Variants in PNMA6A observed in about 807,000 individuals in gnomAD.
PNMA6A encodes PNMA family member 6A.
For missense variants in PNMA6A, 8 were observed against 103.5 expected, an observed-to-expected ratio of 0.08 and a Z score of 4.00; for synonymous variants, 2 against 49.3, an observed-to-expected ratio of 0.04 and a Z score of 4.02.
At position 153,074,472 on chromosome X, in the gene PNMA6A, T is replaced by A; in HGVS notation, c.*210T>A. On this transcript the variant is annotated 3_prime_UTR_variant, in exon 2 of 2. Transcript: ENST00000421798. ...ACCACCACCTTCCCGGTGACCCAGA[T>A]GACCACATTTAATACCAAATGGGGT... 2.2e-6 allele frequency: 1 copy of A among 458,376 alleles called. No homozygotes were observed. The highest frequency in any genetic ancestry group is 3.8e-6 in the Non-Finnish European group (1 of 262,946). The allele number at this position is 458,376 out of a possible 1,213,427, so 37.8% of individuals were successfully genotyped here. A position where few individuals can be genotyped will look rare whatever the true frequency, so the allele number is the denominator to read the frequency against.
intron 1 of PNMA6A, 150 bp from the exon 2 acceptor site, chrX:153,072,785 C>CG: frequency 7.7e-5 from 1 of 12,936 alleles, no homozygotes. Context: ...ACCACCCCCC[C>CG]GGGGGGGCGG....
rs1483777758 is a variant in PNMA6A, at chrX:153,074,689, G to A, written c.*427G>A. On this transcript the variant is annotated 3_prime_UTR_variant, in exon 2 of 2. Coordinates refer to ENST00000421798, the MANE Select transcript of PNMA6A (RefSeq NM_032882.6). ...CAGCTCCTCCCCAGAGGACCCCAGC[G>A]CAGTCCCGGGAGATGGCGGAAAGAA... The A allele has an allele frequency of 1.4e-4, 23 of 162,834 alleles. No individual in the cohort carries two copies. The highest frequency in any genetic ancestry group is 3.8e-4 in the African/African-American group (12 of 31,660). The allele number at this position is 162,834 out of a possible 1,213,427, so 13.4% of individuals were successfully genotyped here.
At position 153,074,503 on chromosome X, in the gene PNMA6A, G is replaced by T; in HGVS notation, c.*241G>T. On this transcript the variant is annotated 3_prime_UTR_variant, in exon 2 of 2. Coordinates refer to ENST00000421798, the MANE Select transcript of PNMA6A (RefSeq NM_032882.6). ...CATTTAATACCAAATGGGGTGGGGG[G>T]AGGCGCCCCTCCAGTGCCAGGGGCA... is the stretch of plus-strand genomic sequence containing the variant. 2.4e-6 allele frequency: 1 copy of T among 420,444 alleles called. No individual in the cohort carries two copies. The highest frequency in any genetic ancestry group is 2.5e-5 in the African/African-American group (1 of 40,504). 34.6% of individuals were successfully genotyped at this position (420,444 alleles called of 1,213,427 possible).
chrX:153,074,705 G>A lies in PNMA6A; in HGVS notation c.*443G>A. On this transcript the variant is annotated 3_prime_UTR_variant, in exon 2 of 2. Coordinates refer to ENST00000421798, the MANE Select transcript of PNMA6A (RefSeq NM_032882.6). The stretch of plus-strand genomic sequence containing the variant: ...GACCCCAGCGCAGTCCCGGGAGATG[G>A]CGGAAAGAAGGCACCAGGGCACAGT... The A allele has an allele frequency of 6.5e-6, 1 of 154,644 alleles. No individual in the cohort carries two copies. The highest frequency in any genetic ancestry group is 1.4e-5 in the Non-Finnish European group (1 of 72,450). 12.7% of individuals were successfully genotyped at this position (154,644 alleles called of 1,213,427 possible).
Position 153,074,398 on chromosome X carries a change from C to G in PNMA6A, c.*136C>G. ...AGGCGGGGCCAGGGCCGGTCCCTCACCCCACATCGGGATCGGGGCCCCCCA... is the reference window on the plus strand; with the variant it reads ...AGGCGGGGCCAGGGCCGGTCCCTCAGCCCACATCGGGATCGGGGCCCCCCA... On this transcript the variant is annotated 3_prime_UTR_variant, in exon 2 of 2. Coordinates refer to ENST00000421798, the MANE Select transcript of PNMA6A (RefSeq NM_032882.6). 1 of 793,644 alleles carries G rather than the reference C, an allele frequency of 1.3e-6. No individual in the cohort carries two copies. The allele number at this position is 793,644 out of a possible 1,213,427, so 65.4% of individuals were successfully genotyped here.
In PNMA6A at chrX:153,074,597, C is replaced by T. The variant is rs1190870474; in HGVS notation, c.*335C>T. The T allele has an allele frequency of 3.7e-5, 10 of 268,725 alleles. No homozygotes were observed. The highest frequency in any genetic ancestry group is 2.8e-4 in the African/African-American group (10 of 35,958). The allele number at this position is 268,725 out of a possible 1,213,427, so 22.1% of individuals were successfully genotyped here. On this transcript the variant is annotated 3_prime_UTR_variant, in exon 2 of 2. Transcript: ENST00000421798. ...TCCCGTATCGTGAGCACCACCTCTG[C>T]TTTCCCTGCGTAGATCTAGGCCAGG... is the stretch of plus-strand genomic sequence containing the variant.
At position 153,074,426 on chromosome X, in the gene PNMA6A, TC is replaced by T. The variant is rs2051219319; in HGVS notation, c.*170del. ...CACATCGGGATCGGGGCCCCCCACT[TC>T]CCCCCAAGGGGCCCTGCCCACCACC... is the stretch of plus-strand genomic sequence containing the variant. On this transcript the variant is annotated 3_prime_UTR_variant, in exon 2 of 2. Coordinates refer to ENST00000421798, the MANE Select transcript of PNMA6A (RefSeq NM_032882.6). The T allele has an allele frequency of 6.9e-6, 4 of 577,506 alleles. No homozygotes were observed. Among genetic ancestry groups the T allele is most frequent in the South Asian group, 6.4e-5 (2 of 31,423 alleles). The allele number at this position is 577,506 out of a possible 1,213,427, so 47.6% of individuals were successfully genotyped here. A position where few individuals can be genotyped will look rare whatever the true frequency, so the allele number is the denominator to read the frequency against.
In PNMA6A at chrX:153,074,546, G is replaced by T; in HGVS notation, c.*284G>T. 5.5e-6 allele frequency: 2 copies of T among 362,702 alleles called. No individual in the cohort carries two copies. Among genetic ancestry groups the T allele is most frequent in the Non-Finnish European group, 1.0e-5 (2 of 199,483 alleles). 29.9% of individuals were successfully genotyped at this position (362,702 alleles called of 1,213,427 possible). On this transcript the variant is annotated 3_prime_UTR_variant, in exon 2 of 2. Transcript: ENST00000421798. ...CAGGGGCACGTGCTGTGAGCTTCCT[G>T]GGAGCCCAGGTTGTGCTCACTGCTC...
In PNMA6A at chrX:153,074,589, C is replaced by T; in HGVS notation, c.*327C>T. On this transcript the variant is annotated 3_prime_UTR_variant, in exon 2 of 2. Coordinates refer to ENST00000421798, the MANE Select transcript of PNMA6A (RefSeq NM_032882.6). The stretch of plus-strand genomic sequence containing the variant: ...CACTGCTCTCCCGTATCGTGAGCAC[C>T]ACCTCTGCTTTCCCTGCGTAGATCT... 1 of 280,629 alleles carries T rather than the reference C, an allele frequency of 3.6e-6. No homozygotes were observed. The highest frequency in any genetic ancestry group is 6.6e-6 in the Non-Finnish European group (1 of 151,950). 23.1% of individuals were successfully genotyped at this position (280,629 alleles called of 1,213,427 possible).
chrX:153,074,576 G>C lies in PNMA6A; in HGVS notation c.*314G>C, dbSNP rs990791698. 7.4e-4 allele frequency: 226 copies of C among 306,290 alleles called. No homozygotes were observed. Among genetic ancestry groups the C allele is most frequent in the African/African-American group, 5.8e-3 (214 of 37,148 alleles). The allele number at this position is 306,290 out of a possible 1,213,427, so 25.2% of individuals were successfully genotyped here. ...CCCAGGTTGTGCTCACTGCTCTCCC[G>C]TATCGTGAGCACCACCTCTGCTTTC... is the stretch of plus-strand genomic sequence containing the variant. On this transcript the variant is annotated 3_prime_UTR_variant, in exon 2 of 2. Coordinates refer to ENST00000421798, the MANE Select transcript of PNMA6A (RefSeq NM_032882.6).
Position 153,074,688 on chromosome X carries a change from C to T in PNMA6A, c.*426C>T, listed in dbSNP as rs1206182863. The T allele has an allele frequency of 6.1e-6, 1 of 164,421 alleles. No homozygotes were observed. The highest frequency in any genetic ancestry group is 1.7e-4 in the South Asian group (1 of 5,987). 13.6% of individuals were successfully genotyped at this position (164,421 alleles called of 1,213,427 possible). A position where few individuals can be genotyped will look rare whatever the true frequency, so the allele number is the denominator to read the frequency against. Reference sequence around the variant, plus strand: ...GCAGCTCCTCCCCAGAGGACCCCAGCGCAGTCCCGGGAGATGGCGGAAAGA... The same window carrying T: ...GCAGCTCCTCCCCAGAGGACCCCAGTGCAGTCCCGGGAGATGGCGGAAAGA... On this transcript the variant is annotated 3_prime_UTR_variant, in exon 2 of 2. Transcript: ENST00000421798.
chrX:153,074,671 T>C lies in PNMA6A; in HGVS notation c.*409T>C. ...TGTGTGTTCTTCTCTGAGCAGCTCC[T>C]CCCCAGAGGACCCCAGCGCAGTCCC... On this transcript the variant is annotated 3_prime_UTR_variant, in exon 2 of 2. Coordinates refer to ENST00000421798, the MANE Select transcript of PNMA6A (RefSeq NM_032882.6). 2 of 171,868 alleles carry C rather than the reference T, an allele frequency of 1.2e-5. No homozygotes were observed. The highest frequency in any genetic ancestry group is 2.4e-5 in the Non-Finnish European group (2 of 84,234). The allele number at this position is 171,868 out of a possible 1,213,427, so 14.2% of individuals were successfully genotyped here. A position where few individuals can be genotyped will look rare whatever the true frequency, so the allele number is the denominator to read the frequency against.
rs2051222379 is a variant in PNMA6A, at chrX:153,074,921, T to A, written c.*659T>A. Reference sequence around the variant, plus strand: ...CCAGGAGGAGGGGGGTCCCGACCTGTGTCCTGTGGTGGCCATTTGCAGCTT... The same window carrying A: ...CCAGGAGGAGGGGGGTCCCGACCTGAGTCCTGTGGTGGCCATTTGCAGCTT... On this transcript the variant is annotated 3_prime_UTR_variant, in exon 2 of 2. Coordinates refer to ENST00000421798, the MANE Select transcript of PNMA6A (RefSeq NM_032882.6). 1 of 124,767 alleles carries A rather than the reference T, an allele frequency of 8.0e-6. No individual in the cohort carries two copies. The highest frequency in any genetic ancestry group is 3.7e-4 in the South Asian group (1 of 2,711). The allele number at this position is 124,767 out of a possible 1,213,427, so 10.3% of individuals were successfully genotyped here.
rs1227821256 is a variant in PNMA6A at position 153,074,440 on chromosome X, C to T, written c.*178C>T. On this transcript the variant is annotated 3_prime_UTR_variant, in exon 2 of 2. Coordinates refer to ENST00000421798, the MANE Select transcript of PNMA6A (RefSeq NM_032882.6). ...GGCCCCCCACTTCCCCCCAAGGGGC[C>T]CTGCCCACCACCACCTTCCCGGTGA... The T allele has an allele frequency of 9.5e-6, 5 of 524,567 alleles. No homozygotes were observed. The highest frequency in any genetic ancestry group is 4.7e-5 in the African/African-American group (2 of 42,132). 43.2% of individuals were successfully genotyped at this position (524,567 alleles called of 1,213,427 possible).
rs1216948047 is a variant in PNMA6A at position 153,074,880 on chromosome X, T to G, written c.*618T>G. 1 of 125,398 alleles carries G rather than the reference T, an allele frequency of 8.0e-6. No individual in the cohort carries two copies. The highest frequency in any genetic ancestry group is 1.8e-5 in the Non-Finnish European group (1 of 54,730). 10.3% of individuals were successfully genotyped at this position (125,398 alleles called of 1,213,427 possible). ...TACTTGTTACTGAGTTTCCTAGACC[T>G]GGGGTGGGTGTTCCCCCAGGAGGAG... On this transcript the variant is annotated 3_prime_UTR_variant, in exon 2 of 2. Transcript: ENST00000421798.
rs897075457 is a variant in PNMA6A, at chrX:153,074,607, G to A, written c.*345G>A. The A allele has an allele frequency of 3.2e-5, 8 of 249,750 alleles. No homozygotes were observed. The highest frequency in any genetic ancestry group is 1.1e-4 in the African/African-American group (4 of 35,067). 20.6% of individuals were successfully genotyped at this position (249,750 alleles called of 1,213,427 possible). A position where few individuals can be genotyped will look rare whatever the true frequency, so the allele number is the denominator to read the frequency against. The stretch of plus-strand genomic sequence containing the variant: ...TGAGCACCACCTCTGCTTTCCCTGC[G>A]TAGATCTAGGCCAGGGGCTGCTTGT... On this transcript the variant is annotated 3_prime_UTR_variant, in exon 2 of 2. Transcript: ENST00000421798.
Position 153,074,700 on chromosome X carries a change from A to AGACCGGG in PNMA6A, c.*440_*441insCCGGGGA. ...CAGAGGACCCCAGCGCAGTCCCGGG[A>AGACCGGG]GATGGCGGAAAGAAGGCACCAGGGC... is the stretch of plus-strand genomic sequence containing the variant. On this transcript the variant is annotated 3_prime_UTR_variant, in exon 2 of 2. Coordinates refer to ENST00000421798, the MANE Select transcript of PNMA6A (RefSeq NM_032882.6). 2 of 155,249 alleles carry AGACCGGG rather than the reference A, an allele frequency of 1.3e-5. No homozygotes were observed. The highest frequency in any genetic ancestry group is 2.7e-5 in the Non-Finnish European group (2 of 73,164). The allele number at this position is 155,249 out of a possible 1,213,427, so 12.8% of individuals were successfully genotyped here.
chrX:153,074,399 C>A lies in PNMA6A; in HGVS notation c.*137C>A. The A allele has an allele frequency of 1.3e-6, 1 of 789,105 alleles. No homozygotes were observed. Among genetic ancestry groups the A allele is most frequent in the Admixed American group, 3.9e-5 (1 of 25,767 alleles). 65.0% of individuals were successfully genotyped at this position (789,105 alleles called of 1,213,427 possible). On this transcript the variant is annotated 3_prime_UTR_variant, in exon 2 of 2. Transcript: ENST00000421798. ...GGCGGGGCCAGGGCCGGTCCCTCAC[C>A]CCACATCGGGATCGGGGCCCCCCAC... is the stretch of plus-strand genomic sequence containing the variant.
Position 153,074,475 on chromosome X carries a change from C to T in PNMA6A, c.*213C>T. ...ACCACCTTCCCGGTGACCCAGATGA[C>T]CACATTTAATACCAAATGGGGTGGG... On this transcript the variant is annotated 3_prime_UTR_variant, in exon 2 of 2. Transcript: ENST00000421798. The T allele has an allele frequency of 1.1e-5, 5 of 462,787 alleles. No homozygotes were observed. The highest frequency in any genetic ancestry group is 3.4e-5 in the South Asian group (1 of 29,785). The allele number at this position is 462,787 out of a possible 1,213,427, so 38.1% of individuals were successfully genotyped here. A position where few individuals can be genotyped will look rare whatever the true frequency, so the allele number is the denominator to read the frequency against.
Sources: gnomAD v4.1 joint callset for allele counts on GRCh38, gnomAD v4.1.1 for gene constraint, MANE v1.5 for transcripts, NCBI Gene and HGNC (gene_info 2026-07-23, HGNC 2026-07-21) for gene names.